Variants in TENM2 observed in about 807,000 individuals in gnomAD.
TENM2 encodes the protein teneurin transmembrane protein 2, also known as teneurin-2.
In TENM2, 52 loss-of-function variants were observed where a neutral mutation model predicts 245.2. That is an observed-to-expected ratio of 0.21 (90% CI 0.17 to 0.27). The LOEUF (loss-of-function observed/expected upper bound fraction) is 0.27. Among genes scored for constraint, TENM2 ranks in the 10% least tolerant of loss-of-function variants. The pLI is 1.00. For missense variants in TENM2, 3,046 were observed against 3,666.8 expected (o/e 0.83, Z 4.37); for synonymous variants, 1,363 against 1,438.9 (o/e 0.95, Z 1.19).
At chr5:167,264,105 C>G in the TENM2 span, among the ~76,000 whole-genome samples, 1 of 106,990 alleles carries the variant, frequency 9.3e-6, no homozygotes, top group Admixed American at 9.7e-5. Flanking sequence ...AACTCTGTCT[C>G]AAAAAAAAAA....
At chr5:168,223,183 C>G (rs1289771245) in intron 23 of TENM2, among the ~76,000 whole-genome samples, 4 of 152,194 alleles carry the variant, frequency 2.6e-5, no homozygotes, top group Admixed American at 6.5e-5. Context: ...AGTCCCTACC[C>G]TAAAGCTCTG....
At chr5:167,668,554 C>A (rs4546405) in intron 2 of TENM2, among the ~76,000 whole-genome samples, 61,611 of 152,070 alleles carry the variant, frequency 0.41, 17,863 homozygotes, top group East Asian at 0.94. Context: ...ACTTAGGAAT[C>A]AACAGATACC....
At chr5:167,153,670 T>C in the TENM2 span, among the ~76,000 whole-genome samples, 1 of 151,938 alleles carries the variant, frequency 6.6e-6, no homozygotes, top group East Asian at 1.9e-4. Context: ...GCTTTAAATA[T>C]ATATATATAT....
chr5:167,274,591 T>C, the TENM2 span, among the ~76,000 whole-genome samples: 1 of 151,916 alleles, frequency 6.6e-6, no homozygotes, highest in African/African-American at 2.4e-5. Flanking sequence ...CTTTCTTTTT[T>C]TTTTTAAGAA....
chr5:167,606,348 C>T (rs1002919066), intron 2 of TENM2, among the ~76,000 whole-genome samples: 6 of 151,758 alleles, frequency 4.0e-5, no homozygotes, highest in Non-Finnish European at 7.4e-5. Flanking sequence ...GCCCTTGATT[C>T]TCAAATGGCA....
At chr5:167,538,082 G>A (rs745891607) in intron 2 of TENM2, among the ~76,000 whole-genome samples, 2 of 152,164 alleles carry the variant, frequency 1.3e-5, no homozygotes, top group Non-Finnish European at 2.9e-5. Flanking sequence ...CCTATGCCTT[G>A]CCTCATCGGC....
intron 2 of TENM2, among the ~76,000 whole-genome samples, chr5:167,782,909 A>C (rs1764295410): frequency 6.6e-6 from 1 of 152,214 alleles, no homozygotes; most frequent in Non-Finnish European, 1.5e-5. Flanking sequence ...CGCCCAGCTC[A>C]GCAGCCAGGT....
chr5:167,100,164 A>G, the TENM2 span, among the ~76,000 whole-genome samples: 1 of 152,190 alleles, frequency 6.6e-6, no homozygotes, highest in Non-Finnish European at 1.5e-5. Context: ...AAGTTCTCAC[A>G]CTGCGTTTTT....
In TENM2 at chr5:168,211,771, T is replaced by C. The variant is rs911895790; in HGVS notation, c.3845+17T>C. The C allele has an allele frequency of 1.5e-6, 2 of 1,336,322 alleles. No individual in the cohort carries two copies. Among genetic ancestry groups the C allele is most frequent in the African/African-American group, 1.5e-5 (1 of 67,292 alleles). The allele number at this position is 1,336,322 out of a possible 1,614,324, so 82.8% of individuals were successfully genotyped here. On this transcript the variant is annotated intron_variant, in intron 20 of 28. Transcript: ENST00000518659. ...TAAACATAGGTAAGATGAAGAACTCTTTCCCATATAATTTGATATGGTTCG... is the reference window on the plus strand; with the variant it reads ...TAAACATAGGTAAGATGAAGAACTCCTTCCCATATAATTTGATATGGTTCG...
the TENM2 span, among the ~76,000 whole-genome samples, chr5:167,142,999 A>G: frequency 6.6e-6 from 1 of 152,236 alleles, no homozygotes; most frequent in Admixed American, 6.5e-5. Context: ...ACAATGTGTG[A>G]TATAAAATGT....
intron 2 of TENM2, among the ~76,000 whole-genome samples, chr5:167,669,850 G>A (rs1755818846): frequency 7.2e-6 from 1 of 139,494 alleles, no homozygotes; most frequent in African/African-American, 2.9e-5. Context: ...ATCTATTGCT[G>A]CCACTTTTGA....
intron 2 of TENM2, among the ~76,000 whole-genome samples, chr5:167,812,225 A>G (rs961852696): frequency 2.0e-5 from 3 of 152,184 alleles, no homozygotes; most frequent in African/African-American, 7.2e-5. Context: ...GAAGGGGCTG[A>G]AGATGATGGA....
chr5:168,166,523 T>G (rs1490932532), intron 13 of TENM2, among the ~76,000 whole-genome samples: 1 of 152,190 alleles, frequency 6.6e-6, no homozygotes, highest in Non-Finnish European at 1.5e-5. Context: ...GTTCTGAAAC[T>G]TCAGCATGCA....
At chr5:167,773,728 AT>A (rs541570998) in intron 2 of TENM2, among the ~76,000 whole-genome samples, 44 of 150,532 alleles carry the variant, frequency 2.9e-4, no homozygotes, top group South Asian at 4.2e-4. Context: ...AGCTGAAAGC[AT>A]TTTTTTTTTA....
At chr5:167,142,020 C>CGG in the TENM2 span, among the ~76,000 whole-genome samples, 2 of 151,762 alleles carry the variant, frequency 1.3e-5, no homozygotes, top group African/African-American at 4.9e-5. Context: ...GTGGCAAACT[C>CGG]GGAGGGGGGG....
At chr5:167,496,627 T>G (rs1318607603) in intron 2 of TENM2, among the ~76,000 whole-genome samples, 1 of 152,138 alleles carries the variant, frequency 6.6e-6, no homozygotes, top group African/African-American at 2.4e-5. Context: ...AATGCCGCTT[T>G]CTGATAGAAT....
At chr5:167,522,043 AAGACAT>A (rs1770788050) in intron 2 of TENM2, among the ~76,000 whole-genome samples, 1 of 152,142 alleles carries the variant, frequency 6.6e-6, no homozygotes, top group Non-Finnish European at 1.5e-5. Context: ...TAAATGGGTT[AAGACAT>A]ATTCTCTTTC....
Position 168,262,227 on chromosome 5 carries a change from T to C in TENM2, c.7742T>C (p.Val2581Ala). Residue 2581 changes from valine to alanine, a missense_variant, in exon 29 of 29, where the codon GTG becomes GCG. Physicochemically the swap from Val to Ala is moderately conservative, Grantham distance 64 (BLOSUM62 0). Transcript: ENST00000518659. Reference sequence around the variant, plus strand: ...ATGTTTGCCATCAAAGAAGGGCGGGTGACCACGGGCGTGTCCAGCATCGCC... The same window carrying C: ...ATGTTTGCCATCAAAGAAGGGCGGGCGACCACGGGCGTGTCCAGCATCGCC... 3.1e-6 allele frequency: 5 copies of C among 1,605,868 alleles called. No homozygotes were observed. The highest frequency in any genetic ancestry group is 4.3e-6 in the Non-Finnish European group (5 of 1,176,050).
At chr5:167,866,937 CAT>C (rs1193118075) in intron 2 of TENM2, among the ~76,000 whole-genome samples, 1 of 152,226 alleles carries the variant, frequency 6.6e-6, no homozygotes, top group Non-Finnish European at 1.5e-5. Context: ...CCAATAGCCA[CAT>C]GTCTTAAACA....
Sources: gnomAD v4.1 joint callset for allele counts (sites outside exome capture counted in the v4.1 genomes callset) on GRCh38, gnomAD v4.1.1 for gene constraint, MANE v1.5 for transcripts, NCBI Gene and HGNC (gene_info 2026-07-23, HGNC 2026-07-21) for gene names.